SGMS2: variants seen among roughly 807,000 people sequenced by gnomAD.
SGMS2 encodes the protein sphingomyelin synthase 2.
SGMS2 carries 21 observed loss-of-function variants against 43.8 expected under a neutral mutation model. The ratio of observed to expected loss-of-function variants is 0.48; its 90% CI spans 0.34 to 0.69. The LOEUF is 0.69. Ranked by LOEUF, SGMS2 falls within the 30% of genes least tolerant of loss-of-function variation. SGMS2 has a pLI of 0.01. For synonymous variants in SGMS2, 167 were observed against 160.6 expected, an observed-to-expected ratio of 1.04 and a Z score of -0.30; for missense variants, 384 against 443.2, an observed-to-expected ratio of 0.87 and a Z score of 1.20.
At chr4:107,887,039 A>C (rs1399006863) in intron 2 of SGMS2, among the ~76,000 whole-genome samples, 1 of 152,220 alleles carries the variant, frequency 6.6e-6, no homozygotes, top group Non-Finnish European at 1.5e-5. Context: ...TCTGAAAAAC[A>C]AAGGATGAGC....
intron 2 of SGMS2, among the ~76,000 whole-genome samples, chr4:107,877,358 C>T (rs967754201): frequency 1.3e-5 from 2 of 152,118 alleles, no homozygotes; most frequent in African/African-American, 4.8e-5. Flanking sequence ...TCTATGCAGC[C>T]TCCTGTTACA....
intron 2 of SGMS2, among the ~76,000 whole-genome samples, chr4:107,888,398 G>A (rs1450025840): frequency 6.6e-6 from 1 of 152,020 alleles, no homozygotes; most frequent in Non-Finnish European, 1.5e-5. Flanking sequence ...ATGACAACTT[G>A]ATAATATAAA....
At chr4:107,865,800 C>A (rs1256517941) in intron 2 of SGMS2, among the ~76,000 whole-genome samples, 1 of 152,028 alleles carries the variant, frequency 6.6e-6, no homozygotes, top group Non-Finnish European at 1.5e-5. Context: ...GGTGGAAATC[C>A]CCCCACCCCC....
intron 1 of SGMS2, among the ~76,000 whole-genome samples, chr4:107,839,426 C>G (rs946809205): frequency 4.0e-5 from 6 of 151,874 alleles, no homozygotes; most frequent in Admixed American, 3.9e-4. Context: ...TTTTCCACTT[C>G]ATTATCCTCC....
chr4:107,907,709 CA>C (rs1560676774), intron 5 of SGMS2, among the ~76,000 whole-genome samples: 1 of 152,200 alleles, frequency 6.6e-6, no homozygotes, highest in Non-Finnish European at 1.5e-5. Flanking sequence ...TAAATGTAAA[CA>C]TAGTTAAATA....
rs948883421 is a variant in SGMS2 at position 107,892,325 on chromosome 4, G to A, written c.-244-2985G>A. Among the ~76,000 whole-genome samples the A allele has an allele frequency of 1.3e-5, 2 of 151,596 alleles. 1 individual carries two copies. The highest frequency in any genetic ancestry group is 3.9e-4 in the East Asian group (2 of 5,164). ...GGAGATCAGGGATTCTCTGGAATGG[G>A]TGCTTCCAGGCCTCAGCAAATTGTC... On this transcript the variant is annotated intron_variant, in intron 2 of 6. Coordinates refer to ENST00000690982, the MANE Select transcript of SGMS2 (RefSeq NM_001375905.1).
chr4:107,859,801 C>A (rs1578545192), intron 2 of SGMS2, among the ~76,000 whole-genome samples: 2 of 152,016 alleles, frequency 1.3e-5, no homozygotes, highest in African/African-American at 4.8e-5. Flanking sequence ...GGCAGATGGA[C>A]ACAAGCAGGA....
chr4:107,888,077 C>A (rs1227121086), intron 2 of SGMS2, among the ~76,000 whole-genome samples: 1 of 152,058 alleles, frequency 6.6e-6, no homozygotes, highest in Non-Finnish European at 1.5e-5. Context: ...GTCTCATACG[C>A]CCACCTCTTC....
chr4:107,858,010 A>ACC lies in SGMS2; in HGVS notation c.-326-455_-326-454dup, dbSNP rs111601025. On this transcript the variant is annotated intron_variant, in intron 1 of 6. Coordinates refer to ENST00000690982, the MANE Select transcript of SGMS2 (RefSeq NM_001375905.1). ...CTTACTCTTCTTTTGTAGCTGCCCCACCCCCCCCATCCCCAACCCTTATTA... is the reference window on the plus strand; with the variant it reads ...CTTACTCTTCTTTTGTAGCTGCCCCACCCCCCCCCCATCCCCAACCCTTATTA... 2.8e-3 allele frequency among the ~76,000 whole-genome samples: 355 copies of ACC among 124,876 alleles called. 1 individual carries two copies. Among genetic ancestry groups the ACC allele is most frequent in the Non-Finnish European group, 4.0e-3 (235 of 58,224 alleles). 81.9% of individuals were successfully genotyped at this position (124,876 alleles called of 152,430 possible).
intron 2 of SGMS2, among the ~76,000 whole-genome samples, 173 bp from the exon 3 acceptor site, chr4:107,895,137 G>A (rs1043941508): frequency 7.9e-5 from 12 of 152,302 alleles, no homozygotes; most frequent in African/African-American, 2.6e-4. Flanking sequence ...AGATAAAACT[G>A]TTCAGTATTT....
chr4:107,828,270 A>G (rs1191480994), intron 1 of SGMS2, among the ~76,000 whole-genome samples: 1 of 152,180 alleles, frequency 6.6e-6, no homozygotes, highest in African/African-American at 2.4e-5. Flanking sequence ...ACTATGGGCC[A>G]GGCAACGTGA....
At position 107,912,289 on chromosome 4, in the gene SGMS2, T is replaced by G. The variant is rs1372648172; in HGVS notation, c.*1736T>G. 1 of 152,190 alleles carries G rather than the reference T, an allele frequency of 6.6e-6. No individual in the cohort carries two copies. Among genetic ancestry groups the G allele is most frequent in the Non-Finnish European group, 1.5e-5 (1 of 68,032 alleles). The allele number at this position is 152,190 out of a possible 1,614,324, so 9.4% of individuals were successfully genotyped here. A position where few individuals can be genotyped will look rare whatever the true frequency, so the allele number is the denominator to read the frequency against. On this transcript the variant is annotated 3_prime_UTR_variant, in exon 7 of 7. Coordinates refer to ENST00000690982, the MANE Select transcript of SGMS2 (RefSeq NM_001375905.1). ...GAAGCAAGACTCTTTAATTCAGTTA[T>G]TTTAAACAAGAATTAAAACCCCAAA...
chr4:107,876,901 T>A (rs1005468691), intron 2 of SGMS2, among the ~76,000 whole-genome samples: 1 of 152,200 alleles, frequency 6.6e-6, no homozygotes, highest in African/African-American at 2.4e-5. Context: ...AATATAATGT[T>A]AAACTACTAG....
At chr4:107,852,164 G>A (rs1259463996) in intron 1 of SGMS2, among the ~76,000 whole-genome samples, 1 of 151,650 alleles carries the variant, frequency 6.6e-6, no homozygotes, top group Non-Finnish European at 1.5e-5. Flanking sequence ...CGCCTCCTGA[G>A]TTCACTGCAT....
At chr4:107,884,656 G>C (rs1371398108) in intron 2 of SGMS2, among the ~76,000 whole-genome samples, 1 of 152,132 alleles carries the variant, frequency 6.6e-6, no homozygotes, top group Non-Finnish European at 1.5e-5. Context: ...CCTCTGGAGA[G>C]GCTAATCAGA....
At chr4:107,904,295 A>T (rs1394498447) in intron 5 of SGMS2, among the ~76,000 whole-genome samples, 1 of 152,112 alleles carries the variant, frequency 6.6e-6, no homozygotes, top group African/African-American at 2.4e-5. Context: ...GGGCATATTT[A>T]AAAGGGGGTC....
At chr4:107,875,101 A>C (rs914532383) in intron 2 of SGMS2, among the ~76,000 whole-genome samples, 6 of 152,306 alleles carry the variant, frequency 3.9e-5, no homozygotes, top group African/African-American at 1.4e-4. Flanking sequence ...ACCTTTTTAC[A>C]GTTTCATACC....
intron 2 of SGMS2, among the ~76,000 whole-genome samples, chr4:107,890,633 C>A (rs1016720458): frequency 2.7e-5 from 4 of 145,756 alleles, no homozygotes; most frequent in African/African-American, 5.2e-5. Context: ...CAAGATCACA[C>A]GACTGCACTC....
At chr4:107,842,050 T>A (rs1447213327) in intron 1 of SGMS2, among the ~76,000 whole-genome samples, 1 of 152,002 alleles carries the variant, frequency 6.6e-6, no homozygotes, top group Non-Finnish European at 1.5e-5. Flanking sequence ...TTGTTAAGGG[T>A]AGTCATGTAA....
Sources: allele counts gnomAD v4.1 joint callset (sites outside exome capture counted in the v4.1 genomes callset), GRCh38; gene constraint gnomAD v4.1.1; transcripts MANE v1.5; gene names NCBI Gene and HGNC (gene_info 2026-07-23, HGNC 2026-07-21).